CNIH4: variants seen among roughly 807,000 people sequenced by gnomAD.
The protein encoded by CNIH4 is protein cornichon homolog 4.
CNIH4 carries 9 observed loss-of-function variants against 21.5 expected under a neutral mutation model. That is an observed-to-expected ratio of 0.42 (90% CI 0.25 to 0.73). The LOEUF (loss-of-function observed/expected upper bound fraction) is 0.73. Among genes scored for constraint, CNIH4 ranks in the 30% least tolerant of loss-of-function variants. The probability of loss-of-function intolerance (pLI) is 0.27; values close to 1 mark genes in which losing one functional copy is unlikely to be tolerated. For missense variants in CNIH4, 159 were observed against 170.0 expected (o/e 0.94, Z 0.36); for synonymous variants, 67 against 59.1 (o/e 1.13, Z -0.61).
At chr1:224,368,910 C>T (rs373448973) in intron 3 of CNIH4, among the ~76,000 whole-genome samples, 2 of 143,182 alleles carry the variant, frequency 1.4e-5, no homozygotes, top group African/African-American at 2.6e-5. Context: ...CTGTGTGTGT[C>T]TTTTTTTTTT....
chr1:224,376,270 T>C lies in CNIH4; in HGVS notation c.*448T>C. 1 of 986,648 alleles carries C rather than the reference T, an allele frequency of 1.0e-6. No homozygotes were observed. The highest frequency in any genetic ancestry group is 1.2e-6 in the Non-Finnish European group (1 of 830,802). The allele number at this position is 986,648 out of a possible 1,614,324, so 61.1% of individuals were successfully genotyped here. A position where few individuals can be genotyped will look rare whatever the true frequency, so the allele number is the denominator to read the frequency against. ...AAAATTACCCTTTTTGCTTGTGTTG[T>C]GACAACTTCATTTAATATGGTTTAA... On this transcript the variant is annotated 3_prime_UTR_variant, in exon 5 of 5. Coordinates refer to ENST00000465271, the MANE Select transcript of CNIH4 (RefSeq NM_014184.4).
At chr1:224,361,213 T>C (rs1215378843) in intron 2 of CNIH4, among the ~76,000 whole-genome samples, 1 of 151,406 alleles carries the variant, frequency 6.6e-6, no homozygotes, top group Non-Finnish European at 1.5e-5. Context: ...CCTCCCAGGT[T>C]CAAGCGTTTC....
chr1:224,369,675 A>AT lies in CNIH4; in HGVS notation c.252-1590dup, dbSNP rs1193576882. 4.7e-3 allele frequency among the ~76,000 whole-genome samples: 599 copies of AT among 127,600 alleles called. 5 individuals carry two copies. The highest frequency in any genetic ancestry group is 6.6e-3 in the Non-Finnish European group (409 of 61,974). 83.7% of individuals were successfully genotyped at this position (127,600 alleles called of 152,430 possible). ...TGGATACCCCGTTTACCCTGATGTG[A>AT]TTTTTTTTTTTTTTTTTTGAGACGG... On this transcript the variant is annotated intron_variant, in intron 3 of 4. Coordinates refer to ENST00000465271, the MANE Select transcript of CNIH4 (RefSeq NM_014184.4).
chr1:224,372,739 C>T (rs945275713), intron 4 of CNIH4, among the ~76,000 whole-genome samples: 4 of 151,518 alleles, frequency 2.6e-5, no homozygotes, highest in African/African-American at 4.8e-5. Context: ...CGTGCCACCA[C>T]GCCTGGCTAA....
At chr1:224,359,767 A>G (rs1385003576) in intron 1 of CNIH4, among the ~76,000 whole-genome samples, 1 of 152,102 alleles carries the variant, frequency 6.6e-6, no homozygotes. Context: ...ATTATAGCTC[A>G]GTGTAACGTG....
chr1:224,374,510 G>A (rs753568025), intron 4 of CNIH4, among the ~76,000 whole-genome samples: 39 of 151,762 alleles, frequency 2.6e-4, no homozygotes, highest in Non-Finnish European at 5.0e-4. Context: ...CGCCTCCCAG[G>A]TTCCAGGGAT....
In CNIH4 at chr1:224,379,260, A is replaced by G; in HGVS notation, c.*3438A>G. ...AAGAGCTAAGAAAGCTTCCTATAGT[A>G]GTATCTCCCATGGCACTTACCACAT... is the stretch of plus-strand genomic sequence containing the variant. On this transcript the variant is annotated 3_prime_UTR_variant, in exon 5 of 5. Transcript: ENST00000465271. The G allele has an allele frequency of 3.1e-6, 2 of 650,322 alleles. 1 individual carries two copies. Among genetic ancestry groups the G allele is most frequent in the Admixed American group, 5.1e-5 (2 of 39,462 alleles). 40.3% of individuals were successfully genotyped at this position (650,322 alleles called of 1,614,324 possible). A position where few individuals can be genotyped will look rare whatever the true frequency, so the allele number is the denominator to read the frequency against.
chr1:224,363,599 G>C (rs1672363478), intron 2 of CNIH4, among the ~76,000 whole-genome samples: 1 of 152,104 alleles, frequency 6.6e-6, no homozygotes, highest in South Asian at 2.1e-4. Context: ...AGCTGGGACT[G>C]CAGATGTGCA....
intron 3 of CNIH4, among the ~76,000 whole-genome samples, chr1:224,370,393 A>C (rs1256737675): frequency 1.3e-5 from 2 of 152,200 alleles, no homozygotes; most frequent in African/African-American, 4.8e-5. Context: ...AAGAAGTGAT[A>C]ATTGAGAAGC....
intron 1 of CNIH4, among the ~76,000 whole-genome samples, chr1:224,359,167 T>G (rs1049781239): frequency 5.9e-5 from 9 of 152,138 alleles, no homozygotes; most frequent in Admixed American, 5.2e-4. Context: ...TACATCAGAT[T>G]TTGGAGGGCT....
Position 224,376,111 on chromosome 1 carries a change from C to A in CNIH4, c.*289C>A. On this transcript the variant is annotated 3_prime_UTR_variant, in exon 5 of 5. Coordinates refer to ENST00000465271, the MANE Select transcript of CNIH4 (RefSeq NM_014184.4). ...TGTATGTAGGAACAGGACTGCCATC[C>A]CAGCTTTGCATGCCAAAGAAATAAA... 8.9e-7 allele frequency: 1 copy of A among 1,126,568 alleles called. No homozygotes were observed. Among genetic ancestry groups the A allele is most frequent in the Non-Finnish European group, 1.1e-6 (1 of 920,516 alleles). The allele number at this position is 1,126,568 out of a possible 1,614,324, so 69.8% of individuals were successfully genotyped here. A position where few individuals can be genotyped will look rare whatever the true frequency, so the allele number is the denominator to read the frequency against.
chr1:224,357,130 G>A, intron 1 of CNIH4, 137 bp downstream of exon 1: 3 of 963,324 alleles, frequency 3.1e-6, no homozygotes, highest in Middle Eastern at 2.4e-4. Context: ...TGGCCTGGCC[G>A]GGGCGGTGGC....
At chr1:224,357,095 C>A in intron 1 of CNIH4, 102 bp downstream of exon 1, 1 of 1,365,990 alleles carries the variant, frequency 7.3e-7, no homozygotes, top group Non-Finnish European at 1.0e-6. Context: ...AGGCGCCCGG[C>A]GGCGGGCGTG....
At chr1:224,360,714 A>G (rs887414872) in intron 2 of CNIH4, 151 bp downstream of exon 2, 2 of 431,384 alleles carry the variant, frequency 4.6e-6, no homozygotes, top group Non-Finnish European at 8.4e-6. Flanking sequence ...GTTTTACAAT[A>G]TTTTAGATCA....
intron 3 of CNIH4, among the ~76,000 whole-genome samples, chr1:224,368,086 T>G (rs1396240334): frequency 1.3e-5 from 2 of 152,174 alleles, no homozygotes; most frequent in African/African-American, 4.8e-5. Flanking sequence ...ATCCCAGCAC[T>G]TTAAGAGGCT....
chr1:224,359,626 A>G (rs889597495), intron 1 of CNIH4, among the ~76,000 whole-genome samples: 2 of 152,172 alleles, frequency 1.3e-5, no homozygotes, highest in African/African-American at 2.4e-5. Flanking sequence ...GCTGGAGTGC[A>G]GTGGCGCAAT....
At position 224,377,292 on chromosome 1, in the gene CNIH4, C is replaced by CTT. The variant is rs1558403016; in HGVS notation, c.*1472_*1473dup. 1 of 152,218 alleles carries CTT rather than the reference C, an allele frequency of 6.6e-6. No individual in the cohort carries two copies. Among genetic ancestry groups the CTT allele is most frequent in the Admixed American group, 6.5e-5 (1 of 15,284 alleles). The allele number at this position is 152,218 out of a possible 1,614,324, so 9.4% of individuals were successfully genotyped here. Reference sequence around the variant, plus strand: ...CCAAGAAGCTGTGTAACAGACATTACTTTGCTTGCATCTCTTTTTCATACC... The same window carrying CTT: ...CCAAGAAGCTGTGTAACAGACATTACTTTTTGCTTGCATCTCTTTTTCATACC... On this transcript the variant is annotated 3_prime_UTR_variant, in exon 5 of 5. Coordinates refer to ENST00000465271, the MANE Select transcript of CNIH4 (RefSeq NM_014184.4).
chr1:224,379,155 G>A lies in CNIH4; in HGVS notation c.*3333G>A, dbSNP rs1358730799. ...CCAAGATGCAGCTCAGTTCATCAAA[G>A]CCTAGCAGGTCCCCTCAGCTGCCTT... On this transcript the variant is annotated 3_prime_UTR_variant, in exon 5 of 5. Coordinates refer to ENST00000465271, the MANE Select transcript of CNIH4 (RefSeq NM_014184.4). 6.6e-7 allele frequency: 1 copy of A among 1,516,442 alleles called. No individual in the cohort carries two copies. Among genetic ancestry groups the A allele is most frequent in the Non-Finnish European group, 9.0e-7 (1 of 1,116,116 alleles). The allele number at this position is 1,516,442 out of a possible 1,614,324, so 93.9% of individuals were successfully genotyped here. A position where few individuals can be genotyped will look rare whatever the true frequency, so the allele number is the denominator to read the frequency against.
chr1:224,370,875 CTT>C (rs34962459), intron 3 of CNIH4, among the ~76,000 whole-genome samples: 16 of 135,114 alleles, frequency 1.2e-4, no homozygotes, highest in African/African-American at 2.2e-4. Flanking sequence ...GATTGGCTCA[CTT>C]TTTTTTTTTT....
Sources: gnomAD v4.1 joint callset for allele counts (sites outside exome capture counted in the v4.1 genomes callset) on GRCh38, gnomAD v4.1.1 for gene constraint, MANE v1.5 for transcripts, NCBI Gene and HGNC (gene_info 2026-07-23, HGNC 2026-07-21) for gene names.